Variants in ALDH8A1 observed in about 807,000 individuals in gnomAD.
ALDH8A1 encodes the protein aldehyde dehydrogenase 8 family member A1.
In ALDH8A1, 39 loss-of-function variants were observed where a neutral mutation model predicts 43.3. That is an observed-to-expected ratio of 0.90 (90% confidence interval 0.70 to 1.18). The LOEUF is 1.18. Ranked by LOEUF, ALDH8A1 falls within the 50% of genes most tolerant of loss-of-function variation. The probability of loss-of-function intolerance (pLI) is 0.00; values close to 1 mark genes in which losing one functional copy is unlikely to be tolerated. For synonymous variants in ALDH8A1, 233 were observed against 243.5 expected (o/e 0.96, Z 0.40); for missense variants, 605 against 622.6 (o/e 0.97, Z 0.30).
intron 6 of ALDH8A1, among the ~76,000 whole-genome samples, chr6:134,921,065 A>C (rs190193984): frequency 1.3e-5 from 2 of 152,352 alleles, no homozygotes; most frequent in East Asian, 1.9e-4. Flanking sequence ...CCTAGTACAT[A>C]ATAAGCCTTT....
rs1776936453 is a variant in ALDH8A1 at position 134,929,177 on chromosome 6, C to T, written c.888G>A (p.Gln296=). The change falls in exon 6 of 7, where the codon CAG becomes CAA. Residue 296 remains glutamine (Q), a synonymous_variant. Transcript: ENST00000265605. The part of the protein sequence containing the change: ...ICLCTSRIFV[Q]KSIYSEFLKR... ...TTAAAAATTCACTATAGATGCTCTT[C>T]TGGACAAAGATCCTGCTGGTACAGA... The T allele has an allele frequency of 6.2e-7, 1 of 1,614,144 alleles. No homozygotes were observed. The highest frequency in any genetic ancestry group is 2.2e-5 in the East Asian group (1 of 44,884).
At chr6:134,933,086 A>G (rs1309670287) in intron 4 of ALDH8A1, 54 bp from the exon 5 acceptor site, 10 of 1,475,900 alleles carry the variant, frequency 6.8e-6, no homozygotes, top group Non-Finnish European at 8.0e-6. Flanking sequence ...GAAGAGTTCA[A>G]GTTACTTGGA....
At chr6:134,933,128 G>C in intron 4 of ALDH8A1, 96 bp from the exon 5 acceptor site, 1 of 1,358,220 alleles carries the variant, frequency 7.4e-7, no homozygotes, top group South Asian at 1.6e-5. Context: ...CGCTTGAATG[G>C]GAGTGGGTAG....
chr6:134,937,707 G>A (rs1160811470), intron 4 of ALDH8A1, among the ~76,000 whole-genome samples: 1 of 152,200 alleles, frequency 6.6e-6, no homozygotes, highest in East Asian at 1.9e-4. Context: ...GTCCACTCTG[G>A]GGAACCTGCA....
chr6:134,923,033 TA>T (rs548397140), intron 6 of ALDH8A1, among the ~76,000 whole-genome samples: 3 of 152,268 alleles, frequency 2.0e-5, no homozygotes, highest in Admixed American at 2.0e-4. Flanking sequence ...GTAGAAGGAT[TA>T]TTTTATTTTT....
chr6:134,924,293 G>C (rs1333968046), intron 6 of ALDH8A1, among the ~76,000 whole-genome samples: 2 of 152,090 alleles, frequency 1.3e-5, no homozygotes, highest in African/African-American at 4.8e-5. Context: ...ATACATACTT[G>C]CCTGATAACA....
Position 134,918,086 on chromosome 6 carries a change from A to G in ALDH8A1, c.*329T>C. The G allele has an allele frequency of 3.4e-6, 1 of 297,560 alleles. No individual in the cohort carries two copies. Among genetic ancestry groups the G allele is most frequent in the South Asian group, 5.6e-5 (1 of 17,836 alleles). 18.4% of individuals were successfully genotyped at this position (297,560 alleles called of 1,614,324 possible). On this transcript the variant is annotated 3_prime_UTR_variant, in exon 7 of 7. Coordinates refer to ENST00000265605, the MANE Select transcript of ALDH8A1 (RefSeq NM_022568.4). Reference sequence around the variant, plus strand: ...TTGCATATTTTTTAAAATTTACCAAATGAAATAATCTGATTATCTGGAGAT... The same window carrying G: ...TTGCATATTTTTTAAAATTTACCAAGTGAAATAATCTGATTATCTGGAGAT...
intron 1 of ALDH8A1, among the ~76,000 whole-genome samples, chr6:134,949,685 T>C (rs892624871): frequency 3.3e-5 from 5 of 152,192 alleles, no homozygotes; most frequent in Non-Finnish European, 7.4e-5. Flanking sequence ...CACACAGGGC[T>C]GTGTTAGGTT....
rs777827977 is a variant in ALDH8A1, at chr6:134,942,435, T to C, written c.416A>G (p.Tyr139Cys). 4.3e-6 allele frequency: 7 copies of C among 1,614,108 alleles called. No individual in the cohort carries two copies. The highest frequency in any genetic ancestry group is 5.9e-6 in the Non-Finnish European group (7 of 1,179,966). The change falls in exon 3 of 7, where the codon TAC becomes TGC. Residue 139 changes from tyrosine to cysteine, a missense_variant. Tyr to Cys is a radical substitution (Grantham distance 194). Transcript: ENST00000265605. ...GACTCCCACCGGGGCCCGCACCGTGTAGTGCATGCAGCCCAGGTGGTCCAT... is the reference window on the plus strand; with the variant it reads ...GACTCCCACCGGGGCCCGCACCGTGCAGTGCATGCAGCCCAGGTGGTCCAT... ...TQMDHLGCMHYTVRAPVGVAG... is the reference protein window; with the variant it reads ...TQMDHLGCMHCTVRAPVGVAG...
intron 1 of ALDH8A1, among the ~76,000 whole-genome samples, chr6:134,948,089 G>A (rs1238144277): frequency 6.6e-6 from 1 of 152,174 alleles, no homozygotes; most frequent in African/African-American, 2.4e-5. Context: ...ACAAAATCCT[G>A]TCATTTGCAC....
chr6:134,933,013 G>C lies in ALDH8A1; in HGVS notation c.612C>G (p.Val204=). The change falls in exon 5 of 7, where the codon GTC becomes GTG. Residue 204 remains valine (V), a synonymous_variant. Coordinates refer to ENST00000265605, the MANE Select transcript of ALDH8A1 (RefSeq NM_022568.4). ...LDKAGVPPGV[V]NIVFGTGPRV... is the part of the protein sequence containing the mutation. ...TGGGCCCGGTTCCAAACACAATATTGACCACACCTGGTGGAACACCTGGAT... is the reference window on the plus strand; with the variant it reads ...TGGGCCCGGTTCCAAACACAATATTCACCACACCTGGTGGAACACCTGGAT... The C allele has an allele frequency of 6.3e-7, 1 of 1,587,166 alleles. No individual in the cohort carries two copies.
chr6:134,927,083 C>G (rs1776896490), intron 6 of ALDH8A1, among the ~76,000 whole-genome samples: 1 of 152,108 alleles, frequency 6.6e-6, no homozygotes, highest in Non-Finnish European at 1.5e-5. Context: ...AGGTGGGCCT[C>G]CAGTGGGCTC....
intron 4 of ALDH8A1, among the ~76,000 whole-genome samples, chr6:134,934,334 CT>C (rs750004505): frequency 2.0e-5 from 3 of 152,148 alleles, no homozygotes; most frequent in Non-Finnish European, 4.4e-5. Flanking sequence ...GAAACCAGCT[CT>C]AAAAAACAAG....
At chr6:134,947,285 A>T (rs551976864) in intron 1 of ALDH8A1, among the ~76,000 whole-genome samples, 2 of 152,342 alleles carry the variant, frequency 1.3e-5, no homozygotes, top group African/African-American at 4.8e-5. Flanking sequence ...ATAAGAAAAC[A>T]TAGGGTAAAT....
At chr6:134,949,445 G>A (rs1320249375) in intron 1 of ALDH8A1, among the ~76,000 whole-genome samples, 1 of 152,100 alleles carries the variant, frequency 6.6e-6, no homozygotes, top group Non-Finnish European at 1.5e-5. Context: ...TAGGTATTTT[G>A]AAGACATGAC....
At chr6:134,940,246 A>G in intron 3 of ALDH8A1, 1 of 347,636 alleles carries the variant, frequency 2.9e-6, no homozygotes, top group Non-Finnish European at 5.7e-6. Context: ...AAAAAATAAA[A>G]AAACAGTTGT....
chr6:134,947,820 T>C lies in ALDH8A1; in HGVS notation c.138+2096A>G, dbSNP rs576081387. Among the ~76,000 whole-genome samples the C allele has an allele frequency of 2.7e-5, 4 of 148,900 alleles. No homozygotes were observed. The South Asian group carries it at 8.6e-4, about 32-fold the overall frequency. ...TGGGAAAGTAAATTAGTGCAGCCAT[T>C]ATGGAAAACGCATGTAGGTTTCTCA... is the stretch of plus-strand genomic sequence containing the variant. On this transcript the variant is annotated intron_variant, in intron 1 of 6. Coordinates refer to ENST00000265605, the MANE Select transcript of ALDH8A1 (RefSeq NM_022568.4).
intron 6 of ALDH8A1, among the ~76,000 whole-genome samples, chr6:134,928,650 G>A (rs539483058): frequency 1.1e-4 from 16 of 152,328 alleles, no homozygotes; most frequent in African/African-American, 3.8e-4. Context: ...GACTAAGGAC[G>A]ACACAATTGG....
At position 134,917,726 on chromosome 6, in the gene ALDH8A1, C is replaced by A. The variant is rs1035379961; in HGVS notation, c.*689G>T. ...CAAGGAGATTATCTCCATAATCTCT[C>A]CAAAGATGGCAAATTATGGCTATTT... On this transcript the variant is annotated 3_prime_UTR_variant, in exon 7 of 7. Transcript: ENST00000265605. 1.3e-5 allele frequency: 2 copies of A among 152,126 alleles called. No homozygotes were observed. Among genetic ancestry groups the A allele is most frequent in the Non-Finnish European group, 2.9e-5 (2 of 68,058 alleles). 9.4% of individuals were successfully genotyped at this position (152,126 alleles called of 1,614,324 possible).
Sources: gnomAD v4.1 joint callset for allele counts (sites outside exome capture counted in the v4.1 genomes callset) on GRCh38, gnomAD v4.1.1 for gene constraint, MANE v1.5 for transcripts, NCBI Gene and HGNC (gene_info 2026-07-23, HGNC 2026-07-21) for gene names.